The following DCDC1 variants were observed in gnomAD, a reference collection of about 807,000 sequenced individuals.
DCDC1 encodes doublecortin domain-containing protein 1.
DCDC1 carries 200 observed loss-of-function variants against 178.3 expected under a neutral mutation model. That is an observed-to-expected ratio of 1.12 (90% CI 1.00 to 1.26). The LOEUF (loss-of-function observed/expected upper bound fraction) is 1.26. DCDC1 is among the 50% of genes most tolerant of loss of function. The probability of loss-of-function intolerance (pLI) is 0.00; values close to 1 mark genes in which losing one functional copy is unlikely to be tolerated. For missense variants in DCDC1, 1,983 were observed against 1,749.2 expected (o/e 1.13, Z -2.38); for synonymous variants, 690 against 604.8 (o/e 1.14, Z -2.07).
chr11:31,079,427 T>C (rs1957049553), intron 17 of DCDC1, among the ~76,000 whole-genome samples: 1 of 152,188 alleles, frequency 6.6e-6, no homozygotes. Context: ...TAAACATAAG[T>C]AAATGTTTCT....
chr11:30,992,829 A>G (rs1344665185), intron 20 of DCDC1: 1 of 152,180 alleles, frequency 6.6e-6, no homozygotes, highest in Non-Finnish European at 1.5e-5. Context: ...ATTAGTCTTG[A>G]TATTAAAAAA....
At chr11:30,989,853 A>G (rs574044193) in intron 20 of DCDC1, among the ~76,000 whole-genome samples, 1 of 152,312 alleles carries the variant, frequency 6.6e-6, no homozygotes, top group African/African-American at 2.4e-5. Context: ...AAGTTGAACT[A>G]GAAACCTCTC....
chr11:31,048,912 T>G (rs1301775610), intron 20 of DCDC1, among the ~76,000 whole-genome samples: 1 of 152,208 alleles, frequency 6.6e-6, no homozygotes, highest in African/African-American at 2.4e-5. Flanking sequence ...GATGGGCAAT[T>G]AAAATGGCTA....
At chr11:30,917,322 G>T (rs1481476512) in intron 25 of DCDC1, among the ~76,000 whole-genome samples, 1 of 152,112 alleles carries the variant, frequency 6.6e-6, no homozygotes, top group African/African-American at 2.4e-5. Context: ...CATAAAGATT[G>T]ACTACTCAGT....
At chr11:30,953,662 T>G (rs1166453385) in intron 20 of DCDC1, among the ~76,000 whole-genome samples, 8 of 152,100 alleles carry the variant, frequency 5.3e-5, no homozygotes, top group Admixed American at 5.2e-4. Flanking sequence ...AAAGAAGTGT[T>G]TTTCAGTTTG....
At chr11:30,978,779 AACACACAC>A (rs56058117) in intron 20 of DCDC1, among the ~76,000 whole-genome samples, 49 of 119,018 alleles carry the variant, frequency 4.1e-4, no homozygotes, top group African/African-American at 1.7e-3. Flanking sequence ...GTCCCCCCTC[AACACACAC>A]ACACACACAC....
intron 32 of DCDC1, among the ~76,000 whole-genome samples, chr11:30,901,733 T>C (rs960589091): frequency 6.6e-6 from 1 of 152,120 alleles, no homozygotes; most frequent in African/African-American, 2.4e-5. Context: ...GTGTTTGAAA[T>C]TGTAATTTTA....
intron 7 of DCDC1, among the ~76,000 whole-genome samples, chr11:31,288,516 C>A (rs1947000849): frequency 6.6e-6 from 1 of 151,802 alleles, no homozygotes; most frequent in African/African-American, 2.4e-5. Flanking sequence ...GTCATTTCCC[C>A]TTGGCTCTAT....
At chr11:31,095,826 A>G (rs1366927594) in intron 15 of DCDC1, among the ~76,000 whole-genome samples, 1 of 152,204 alleles carries the variant, frequency 6.6e-6, no homozygotes, top group Non-Finnish European at 1.5e-5. Context: ...TATCTCCTAA[A>G]TTATACGATC....
chr11:31,186,251 C>T (rs1969470349), intron 9 of DCDC1, among the ~76,000 whole-genome samples: 1 of 152,184 alleles, frequency 6.6e-6, no homozygotes, highest in Non-Finnish European at 1.5e-5. Context: ...GCCATACTCT[C>T]CTTGTTCCTC....
At chr11:31,114,585 G>C (rs1392251121) in intron 11 of DCDC1, among the ~76,000 whole-genome samples, 1 of 152,158 alleles carries the variant, frequency 6.6e-6, no homozygotes, top group Non-Finnish European at 1.5e-5. Flanking sequence ...AGACAACAGG[G>C]AGAAGAGTAC....
intron 8 of DCDC1, among the ~76,000 whole-genome samples, chr11:31,250,421 C>CATATACATATAT (rs1943920511): frequency 2.3e-4 from 12 of 52,946 alleles, no homozygotes; most frequent in African/African-American, 5.1e-4. Flanking sequence ...CACACATATA[C>CATATACATATAT]ATATATATGT....
Position 30,916,970 on chromosome 11 carries a change from C to A in DCDC1, c.3352G>T (p.Ala1118Ser). Residue 1118 changes from alanine to serine, a missense_variant, in exon 26 of 39, where the codon GCC (alanine) becomes TCC (serine). Transcript: ENST00000684477. ...AAGTCATGTGAAGTTTCCTGCCAGGCATACCTGGGAAGTGTGTGACAAGCC... is the reference window on the plus strand; with the variant it reads ...AAGTCATGTGAAGTTTCCTGCCAGGAATACCTGGGAAGTGTGTGACAAGCC... Reference protein sequence around the residue: ...MKACHTLPRYAWQETSHDFDE... With the variant: ...MKACHTLPRYSWQETSHDFDE... 1 of 1,610,986 alleles carries A rather than the reference C, an allele frequency of 6.2e-7. No individual in the cohort carries two copies. The highest frequency in any genetic ancestry group is 8.5e-7 in the Non-Finnish European group (1 of 1,178,634).
At chr11:31,152,195 A>G (rs1000301130) in intron 9 of DCDC1, among the ~76,000 whole-genome samples, 1 of 152,210 alleles carries the variant, frequency 6.6e-6, no homozygotes, top group Admixed American at 6.5e-5. Flanking sequence ...TTGCGACACA[A>G]GAAGTTTGGA....
At position 31,196,686 on chromosome 11, in the gene DCDC1, C is replaced by G. The variant is rs146542241; in HGVS notation, c.1221+44764G>C. Among the ~76,000 whole-genome samples, 36 of 152,194 alleles carry G rather than the reference C, an allele frequency of 2.4e-4. 1 individual carries two copies. The highest frequency in any genetic ancestry group is 8.2e-4 in the African/African-American group (34 of 41,554). ...TCCCCGTGAACCACCCTCTAAGCAC[C>G]TTGATGTGTTCACCAACCCAGAACC... is the stretch of plus-strand genomic sequence containing the variant. On this transcript the variant is annotated intron_variant, in intron 9 of 38. Transcript: ENST00000684477.
chr11:31,222,894 T>C lies in DCDC1; in HGVS notation c.1221+18556A>G, dbSNP rs187616231. Among the ~76,000 whole-genome samples the C allele has an allele frequency of 3.3e-5, 5 of 152,268 alleles. No individual in the cohort carries two copies. The East Asian group carries it at 9.6e-4, about 29-fold the overall frequency. On this transcript the variant is annotated intron_variant, in intron 9 of 38. Coordinates refer to ENST00000684477, the MANE Select transcript of DCDC1 (RefSeq NM_001387274.1). Reference sequence around the variant, plus strand: ...GGGGATAGGACTTCAATATATAAATTTCGGGAAGACATAAATATTTGGCCC... The same window carrying C: ...GGGGATAGGACTTCAATATATAAATCTCGGGAAGACATAAATATTTGGCCC...
intron 20 of DCDC1, among the ~76,000 whole-genome samples, chr11:30,962,464 G>T (rs982789277): frequency 2.6e-5 from 4 of 151,876 alleles, no homozygotes; most frequent in African/African-American, 9.7e-5. Context: ...CTAAGAATAA[G>T]AAATCATTTC....
rs1462003690 is a variant in DCDC1, at chr11:31,305,857, T to C, written c.592-80A>G. ...TTTCCCTCAAAACAAAAGGTTCTAA[T>C]GATCAAAATAGAAACCCAATTGAGT... On this transcript the variant is annotated intron_variant, in intron 5 of 38. Coordinates refer to ENST00000684477, the MANE Select transcript of DCDC1 (RefSeq NM_001387274.1). The C allele has an allele frequency of 2.0e-6, 3 of 1,492,250 alleles. No homozygotes were observed. The African/African-American group carries it at 4.2e-5, about 21-fold the overall frequency. The allele number at this position is 1,492,250 out of a possible 1,614,324, so 92.4% of individuals were successfully genotyped here.
intron 8 of DCDC1, among the ~76,000 whole-genome samples, chr11:31,242,714 T>A (rs1194589080): frequency 6.6e-6 from 1 of 151,876 alleles, no homozygotes; most frequent in Admixed American, 6.6e-5. Context: ...AGCATAGCAA[T>A]CTGGAAATTG....
Sources: gnomAD v4.1 joint callset for allele counts (sites outside exome capture counted in the v4.1 genomes callset) on GRCh38, gnomAD v4.1.1 for gene constraint, MANE v1.5 for transcripts, NCBI Gene and HGNC (gene_info 2026-07-23, HGNC 2026-07-21) for gene names.